PPP3R1: variants seen among roughly 807,000 people sequenced by gnomAD.
PPP3R1 encodes calcineurin subunit B type 1.
PPP3R1 carries 5 observed loss-of-function variants against 22.6 expected under a neutral mutation model. The ratio of observed to expected loss-of-function variants is 0.22; its 90% CI spans 0.12 to 0.46. The LOEUF is 0.46. Among genes scored for constraint, PPP3R1 ranks in the 20% least tolerant of loss-of-function variants. PPP3R1 has a pLI of 0.99. For missense variants in PPP3R1, 61 were observed against 203.2 expected, an observed-to-expected ratio of 0.30 and a Z score of 4.25; for synonymous variants, 56 against 65.2, an observed-to-expected ratio of 0.86 and a Z score of 0.68.
intron 2 of PPP3R1, among the ~76,000 whole-genome samples, chr2:68,198,439 G>A (rs199504655): frequency 0.046 from 3,788 of 81,490 alleles, 294 homozygotes; most frequent in African/African-American, 0.12. Context: ...ATATGCGTGT[G>A]TATATATGTA....
Position 68,246,630 on chromosome 2 carries a change from G to C in PPP3R1, c.3+5495C>G, listed in dbSNP as rs1239101896. ...TCACTGCTGACTCCTTCCTCTTTAA[G>C]ACTCCCTTCAATCTGGCATCATGCT... On this transcript the variant is annotated intron_variant, in intron 1 of 5. Transcript: ENST00000234310. Among the ~76,000 whole-genome samples, 4 of 152,006 alleles carry C rather than the reference G, an allele frequency of 2.6e-5. 1 individual carries two copies. The highest frequency in any genetic ancestry group is 2.6e-4 in the Admixed American group (4 of 15,266).
chr2:68,227,023 A>G (rs765402667), intron 1 of PPP3R1, among the ~76,000 whole-genome samples: 11 of 152,242 alleles, frequency 7.2e-5, no homozygotes, highest in Non-Finnish European at 1.3e-4. Flanking sequence ...AAATGTTGTC[A>G]TCTCTTAAAC....
chr2:68,202,447 T>C (rs1034930640), intron 2 of PPP3R1, among the ~76,000 whole-genome samples: 1 of 151,712 alleles, frequency 6.6e-6, no homozygotes, highest in East Asian at 1.9e-4. Context: ...TTTTTTGAGA[T>C]GGAGTCTCGC....
At chr2:68,234,087 T>G (rs1669969780) in intron 1 of PPP3R1, among the ~76,000 whole-genome samples, 1 of 152,166 alleles carries the variant, frequency 6.6e-6, no homozygotes, top group Non-Finnish European at 1.5e-5. Context: ...CTCACGCCTG[T>G]AATCCCAGCA....
At chr2:68,225,378 G>C (rs560992165) in intron 1 of PPP3R1, among the ~76,000 whole-genome samples, 176 of 152,310 alleles carry the variant, frequency 1.2e-3, no homozygotes, top group African/African-American at 4.2e-3. Context: ...ATTGAATGCA[G>C]GCAGCCTGAC....
rs1188568861 is a variant in PPP3R1, at chr2:68,198,425, GTATA to G, written c.44-9739_44-9736del. ...TATGTGTATGTATATGCATATATAC[GTATA>G]TATGCGTGTGTATATATGTATATAC... On this transcript the variant is annotated intron_variant, in intron 2 of 5. Coordinates refer to ENST00000234310, the MANE Select transcript of PPP3R1 (RefSeq NM_000945.4). Among the ~76,000 whole-genome samples the G allele has an allele frequency of 7.6e-5, 11 of 144,004 alleles. No homozygotes were observed. In the East Asian group the frequency reaches 2.2e-3, roughly 29 times the overall value. The allele number at this position is 144,004 out of a possible 152,430, so 94.5% of individuals were successfully genotyped here.
chr2:68,187,368 A>T, intron 3 of PPP3R1, 54 bp from the exon 4 acceptor site: 3 of 1,430,340 alleles, frequency 2.1e-6, no homozygotes, highest in Non-Finnish European at 2.9e-6. Flanking sequence ...TTTTACACAA[A>T]AAACATATTT....
intron 1 of PPP3R1, among the ~76,000 whole-genome samples, chr2:68,223,806 C>CAAAAA (rs79743936): frequency 1.7e-5 from 1 of 58,536 alleles, no homozygotes; most frequent in Non-Finnish European, 3.9e-5. Context: ...AAAGGGAAGA[C>CAAAAA]AAAAAAAAAA....
At chr2:68,238,383 G>A (rs111893963) in intron 1 of PPP3R1, among the ~76,000 whole-genome samples, 2,678 of 152,210 alleles carry the variant, frequency 0.018, 86 homozygotes, top group African/African-American at 0.06. Flanking sequence ...GGATCTTGAC[G>A]TTTGCCAGAC....
intron 1 of PPP3R1, chr2:68,251,013 G>A (rs1447168979): frequency 6.6e-6 from 1 of 152,192 alleles, no homozygotes; most frequent in Non-Finnish European, 1.5e-5. Flanking sequence ...TAAGTCTTCT[G>A]ACAACTGTTC....
At chr2:68,228,598 T>C (rs1669830070) in intron 1 of PPP3R1, among the ~76,000 whole-genome samples, 1 of 152,162 alleles carries the variant, frequency 6.6e-6, no homozygotes, top group South Asian at 2.1e-4. Flanking sequence ...TTTTGAAGAA[T>C]GAGCTTTTTG....
At chr2:68,200,947 G>A (rs1000653026) in intron 2 of PPP3R1, among the ~76,000 whole-genome samples, 2 of 152,124 alleles carry the variant, frequency 1.3e-5, no homozygotes, top group African/African-American at 4.8e-5. Flanking sequence ...TTAATGAAAA[G>A]CATGTATTCA....
intron 1 of PPP3R1, among the ~76,000 whole-genome samples, chr2:68,223,617 C>T (rs770245486): frequency 7.9e-5 from 12 of 151,782 alleles, no homozygotes; most frequent in African/African-American, 2.9e-4. Context: ...ACCAAACAGA[C>T]GCAATAAAAG....
chr2:68,243,595 A>G (rs1398949351), intron 1 of PPP3R1, among the ~76,000 whole-genome samples: 1 of 152,020 alleles, frequency 6.6e-6, no homozygotes, highest in Non-Finnish European at 1.5e-5. Context: ...AAATAAGTAC[A>G]AAAAAAAGTT....
rs772125684 is a variant in PPP3R1 at position 68,252,166 on chromosome 2, C to T, written c.-39G>A. The T allele has an allele frequency of 7.9e-6, 11 of 1,395,120 alleles. No individual in the cohort carries two copies. Among genetic ancestry groups the T allele is most frequent in the Middle Eastern group, 2.0e-4 (1 of 5,040 alleles). 86.4% of individuals were successfully genotyped at this position (1,395,120 alleles called of 1,614,324 possible). On this transcript the variant is annotated 5_prime_UTR_variant, in exon 1 of 6. Transcript: ENST00000234310. ...TCGGCGGCTCGCTGGCTCGCTGGCTCGGAGAAGTGTTGCGCTCAGGCTGGC... is the reference window on the plus strand; with the variant it reads ...TCGGCGGCTCGCTGGCTCGCTGGCTTGGAGAAGTGTTGCGCTCAGGCTGGC...
chr2:68,181,417 T>C (rs1477137984), intron 5 of PPP3R1, among the ~76,000 whole-genome samples: 2 of 151,384 alleles, frequency 1.3e-5, no homozygotes, highest in Admixed American at 6.6e-5. Flanking sequence ...AAAATTACTT[T>C]AGCTATATTC....
At chr2:68,214,406 A>C in intron 2 of PPP3R1, among the ~76,000 whole-genome samples, 1 of 152,242 alleles carries the variant, frequency 6.6e-6, no homozygotes, top group South Asian at 2.1e-4. Flanking sequence ...TCTAACATCC[A>C]GAATCTCTAA....
intron 2 of PPP3R1, among the ~76,000 whole-genome samples, chr2:68,207,594 A>G (rs1380531991): frequency 6.6e-6 from 1 of 152,238 alleles, no homozygotes; most frequent in Non-Finnish European, 1.5e-5. Context: ...TGAGCAGCAG[A>G]AAAGAATCTG....
At chr2:68,198,145 C>A in intron 2 of PPP3R1, among the ~76,000 whole-genome samples, 1 of 118,438 alleles carries the variant, frequency 8.4e-6, no homozygotes. Flanking sequence ...TTTACATATA[C>A]AATACACATA....
Sources: allele counts gnomAD v4.1 joint callset (sites outside exome capture counted in the v4.1 genomes callset), GRCh38; gene constraint gnomAD v4.1.1; transcripts MANE v1.5; gene names NCBI Gene and HGNC (gene_info 2026-07-23, HGNC 2026-07-21).